The following MYO9B variants were observed in gnomAD, a reference collection of about 807,000 sequenced individuals.
MYO9B encodes the protein myosin IXB, also known as unconventional myosin-IXb.
In MYO9B, 71 loss-of-function variants were observed where a neutral mutation model predicts 229.5. That is an observed-to-expected ratio of 0.31 (90% confidence interval 0.26 to 0.38). The LOEUF is 0.38. MYO9B is among the 10% of genes least tolerant of loss of function. The pLI is 1.00. For missense variants in MYO9B, 2,255 were observed against 2,920.5 expected, an observed-to-expected ratio of 0.77 and a Z score of 5.25; for synonymous variants, 1,185 against 1,235.8, an observed-to-expected ratio of 0.96 and a Z score of 0.86.
At chr19:17,088,049 G>A (rs896305572) in intron 1 of MYO9B, among the ~76,000 whole-genome samples, 2 of 152,192 alleles carry the variant, frequency 1.3e-5, no homozygotes, top group Admixed American at 6.5e-5. Flanking sequence ...GCAGTGAGCC[G>A]AGATCGCACC....
At chr19:17,079,010 G>A (rs1390889415) in intron 1 of MYO9B, among the ~76,000 whole-genome samples, 2 of 152,204 alleles carry the variant, frequency 1.3e-5, no homozygotes, top group African/African-American at 4.8e-5. Context: ...GTGCACTGTA[G>A]AATGTGGAAT....
In MYO9B at chr19:17,210,781, G is replaced by A. The variant is rs764185408; in HGVS notation, c.5863G>A (p.Ala1955Thr). 1 of 1,582,718 alleles carries A rather than the reference G, an allele frequency of 6.3e-7. No individual in the cohort carries two copies. The highest frequency in any genetic ancestry group is 1.2e-5 in the South Asian group (1 of 86,542). Residue 1955 changes from alanine (A) to threonine (T), a missense_variant, in exon 38 of 40, where the codon GCC (alanine) becomes ACC (threonine). Around this residue, in one of 7 missense-constraint regions of MYO9B, gnomAD observed 331 missense variants for 332.5 expected, o/e 1.00. Transcript: ENST00000682292. ...GGAGGTGCTGCTGGAGGAGGAGGCA[G>A]CCGGCGGCGATGAGGACCGGGAAAA... Reference protein sequence around the residue: ...ELEVLLEEEAAGGDEDREKEI... With the variant: ...ELEVLLEEEATGGDEDREKEI...
At position 17,206,765 on chromosome 19, in the gene MYO9B, C is replaced by T. The variant is rs1437448637; in HGVS notation, c.5473C>T (p.Leu1825Phe). 6.3e-7 allele frequency: 1 copy of T among 1,588,596 alleles called. No individual in the cohort carries two copies. Among genetic ancestry groups the T allele is most frequent in the Admixed American group, 1.8e-5 (1 of 56,044 alleles). Residue 1825 changes from leucine (L) to phenylalanine (F), a missense_variant, in exon 34 of 40, where the codon CTC becomes TTC. By Grantham distance (22) the Leu-to-Phe change is conservative. Around this residue, in one of 7 missense-constraint regions of MYO9B, gnomAD observed 416 missense variants for 605.5 expected, o/e 0.69. Coordinates refer to ENST00000682292, the MANE Select transcript of MYO9B (RefSeq NM_004145.4). Reference protein sequence around the residue: ...PEANHNSLERLIFHLVKVALL... With the variant: ...PEANHNSLERFIFHLVKVALL... ...AGCCAACCACAACTCCCTGGAGAGA[C>T]TCATCTTCCACCTTGTCAAGCAAGT...
intron 2 of MYO9B, among the ~76,000 whole-genome samples, chr19:17,126,905 A>ACC (rs769082303): frequency 1.2e-4 from 12 of 101,482 alleles, no homozygotes; most frequent in African/African-American, 4.4e-4. Flanking sequence ...CTTGTGATCC[A>ACC]CCCCCACCCC....
Position 17,101,668 on chromosome 19 carries a change from C to G in MYO9B, c.-50C>G. 3 of 1,494,488 alleles carry G rather than the reference C, an allele frequency of 2.0e-6. No homozygotes were observed. Among genetic ancestry groups the G allele is most frequent in the Non-Finnish European group, 2.7e-6 (3 of 1,125,648 alleles). 92.6% of individuals were successfully genotyped at this position (1,494,488 alleles called of 1,614,324 possible). ...TCTGACCTCCCTTCTAGCTCCAGGA[C>G]ACGCGCGCCCCGAGCCTGGGAGGCA... On this transcript the variant is annotated 5_prime_UTR_variant, in exon 2 of 40. Transcript: ENST00000682292. This position sits in a 1 kb window ranked among gnomAD's most constrained non-coding sequence, Gnocchi z 4.7.
At chr19:17,112,843 G>A (rs2057861721) in intron 2 of MYO9B, among the ~76,000 whole-genome samples, 1 of 152,236 alleles carries the variant, frequency 6.6e-6, no homozygotes, top group African/African-American at 2.4e-5. Flanking sequence ...CACTCACCCA[G>A]CCCTTGGCTG....
At chr19:17,143,688 C>CA (rs1555697483) in intron 2 of MYO9B, among the ~76,000 whole-genome samples, 13 of 151,680 alleles carry the variant, frequency 8.6e-5, no homozygotes, top group Non-Finnish European at 1.8e-4. Context: ...TTTGAGAGGC[C>CA]GGGGCGGGCA....
At chr19:17,184,751 C>G in intron 16 of MYO9B, 114 bp from the exon 17 acceptor site, 5 of 1,403,350 alleles carry the variant, frequency 3.6e-6, no homozygotes, top group Non-Finnish European at 4.9e-6. Context: ...AGCTGCTGCC[C>G]GGGCACTCGC....
chr19:17,092,632 C>T (rs969802992), intron 1 of MYO9B, among the ~76,000 whole-genome samples: 1 of 149,564 alleles, frequency 6.7e-6, no homozygotes, highest in African/African-American at 2.5e-5. Flanking sequence ...GGCTGAAGCA[C>T]GAGAATCTCT....
Position 17,096,792 on chromosome 19 carries a change from G to A in MYO9B, c.-58-4868G>A, listed in dbSNP as rs145112051. Among the ~76,000 whole-genome samples, 1,557 of 145,582 alleles carry A rather than the reference G, an allele frequency of 0.011. 74 individuals carry two copies. The East Asian group carries it at 0.15, about 14-fold the overall frequency. The stretch of plus-strand genomic sequence containing the variant: ...ATGATCTCAGCTCACTGCAAGCTCC[G>A]CCTTCCGGGTTCACGCCATTCTCCT... On this transcript the variant is annotated intron_variant, in intron 1 of 39. Coordinates refer to ENST00000682292, the MANE Select transcript of MYO9B (RefSeq NM_004145.4).
In MYO9B at chr19:17,101,930, G is replaced by T. The variant is rs373469531; in HGVS notation, c.213G>T (p.Ser71=). 114 of 1,613,564 alleles carry T rather than the reference G, an allele frequency of 7.1e-5. No individual in the cohort carries two copies. The highest frequency in any genetic ancestry group is 9.4e-5 in the Non-Finnish European group (111 of 1,179,836). ...KCYVLVEVKE[S]GGEEWVLDAN... is the part of the protein sequence containing the mutation. Reference sequence around the variant, plus strand: ...ATGTGCTGGTGGAGGTCAAAGAGTCGGGAGGCGAGGAATGGGTGCTGGACG... The same window carrying T: ...ATGTGCTGGTGGAGGTCAAAGAGTCTGGAGGCGAGGAATGGGTGCTGGACG... Residue 71 remains serine, a synonymous_variant, in exon 2 of 40, where the codon TCG becomes TCT. Transcript: ENST00000682292. The surrounding 1 kb of genome is among the most constrained non-coding windows in gnomAD (Gnocchi z 4.7).
At chr19:17,167,096 A>G (rs1293566260) in intron 10 of MYO9B, among the ~76,000 whole-genome samples, 1 of 145,746 alleles carries the variant, frequency 6.9e-6, no homozygotes, top group Admixed American at 6.7e-5. Context: ...TTTATATTAT[A>G]CTTACTGGTT....
rs1261958560 is a variant in MYO9B, at chr19:17,212,203, G to A, written c.6367G>A (p.Ala2123Thr). 5 of 1,582,038 alleles carry A rather than the reference G, an allele frequency of 3.2e-6. No homozygotes were observed. The highest frequency in any genetic ancestry group is 3.4e-6 in the Non-Finnish European group (4 of 1,165,548). ...TPGADLPVQG[A>T]LEPLEEDGQP... ...CGGGGCAGACCTGCCAGTGCAGGGC[G>A]CCCTGGAGCCCCTAGAAGAGGATGG... The change falls in exon 40 of 40, where the codon GCC (alanine) becomes ACC (threonine). Residue 2123 changes from alanine (A) to threonine (T), a missense_variant. Physicochemically the swap from Ala to Thr is moderately conservative, Grantham distance 58. Around this residue, in one of 7 missense-constraint regions of MYO9B, gnomAD observed 331 missense variants for 332.5 expected, o/e 1.00. Transcript: ENST00000682292. This position sits in a 1 kb window ranked among gnomAD's most constrained non-coding sequence, Gnocchi z 5.4.
At chr19:17,153,532 CCAAAAAAAAA>C (rs1375238467) in intron 4 of MYO9B, among the ~76,000 whole-genome samples, 1 of 145,576 alleles carries the variant, frequency 6.9e-6, no homozygotes, top group East Asian at 1.9e-4. Context: ...ACAAAAAAGA[CCAAAAAAAAA>C]AAAATTAGCT....
chr19:17,081,810 CAAAAAA>C (rs5827357), intron 1 of MYO9B, among the ~76,000 whole-genome samples: 2 of 69,918 alleles, frequency 2.9e-5, no homozygotes, highest in Non-Finnish European at 5.3e-5. Context: ...GATCCCATCT[CAAAAAA>C]AAAAAAAAAA....
chr19:17,081,810 CAA>C (rs5827357), intron 1 of MYO9B, among the ~76,000 whole-genome samples: 16 of 69,914 alleles, frequency 2.3e-4, no homozygotes, highest in African/African-American at 9.0e-4. Context: ...GATCCCATCT[CAA>C]AAAAAAAAAA....
intron 1 of MYO9B, among the ~76,000 whole-genome samples, chr19:17,077,514 G>A (rs7245899): frequency 0.76 from 114,927 of 152,062 alleles, 43,921 homozygotes; most frequent in African/African-American, 0.86. Flanking sequence ...TTCTGATCCC[G>A]CAGCCCTGCA....
intron 1 of MYO9B, among the ~76,000 whole-genome samples, chr19:17,099,678 C>T (rs985537556): frequency 6.6e-6 from 1 of 151,878 alleles, no homozygotes; most frequent in African/African-American, 2.4e-5. Context: ...ATTAGCCAGG[C>T]GCGGTGGCGG....
chr19:17,147,829 T>A (rs985850923), intron 3 of MYO9B, among the ~76,000 whole-genome samples: 3 of 151,356 alleles, frequency 2.0e-5, no homozygotes, highest in African/African-American at 4.9e-5. Flanking sequence ...ATTACAGGCA[T>A]GCGCCACCAC....
Sources: allele counts gnomAD v4.1 joint callset (sites outside exome capture counted in the v4.1 genomes callset), GRCh38; gene constraint gnomAD v4.1.1; regional missense constraint gnomAD v4.1.1; non-coding constraint Gnocchi (gnomAD v3.1); transcripts MANE v1.5; gene names NCBI Gene and HGNC (gene_info 2026-07-23, HGNC 2026-07-21).